COX17: variants seen among roughly 807,000 people sequenced by gnomAD.
COX17 encodes cytochrome c oxidase copper chaperone COX17.
In COX17, 1 loss-of-function variant was observed where a neutral mutation model predicts 6.3. The observed-to-expected ratio is 0.16, with a 90% CI of 0.06 to 0.75. The LOEUF (loss-of-function observed/expected upper bound fraction) is 0.75. COX17 is among the 30% of genes least tolerant of loss of function. The pLI, the probability that COX17 is intolerant of heterozygous loss-of-function variation, is 0.77. For missense variants in COX17, 73 were observed against 81.2 expected (o/e 0.90, Z 0.39); for synonymous variants, 26 against 30.5 (o/e 0.85, Z 0.49).
chr3:119,665,592 T>C (rs2052986700), downstream of COX17, among the ~76,000 whole-genome samples: 1 of 152,182 alleles, frequency 6.6e-6, no homozygotes, highest in Non-Finnish European at 1.5e-5. Context: ...CAGGCCAGTC[T>C]TGAACTCCAG....
chr3:119,676,922 G>C (rs916519544), intron 1 of COX17: 16 of 698,092 alleles, frequency 2.3e-5, no homozygotes, highest in Non-Finnish European at 3.9e-5. Flanking sequence ...ATCGTTTCCC[G>C]GTACTAAGCT....
At position 119,675,182 on chromosome 3, in the gene COX17, C is replaced by T. The variant is rs750429987; in HGVS notation, c.159G>A (p.Lys53=). ...TAAATCCTAGGGCTCTCATGCATTC[C>T]TTGTGGGCCTCAATTAGATGTCCAC... ...EHCGHLIEAH[K]ECMRALGFKI The change falls in exon 2 of 3, where the codon AAG becomes AAA. Residue 53 remains lysine (K), a synonymous_variant. Transcript: ENST00000261070. 3.7e-6 allele frequency: 6 copies of T among 1,613,470 alleles called. No homozygotes were observed. The highest frequency in any genetic ancestry group is 1.1e-5 in the South Asian group (1 of 91,066).
intron 1 of COX17, chr3:119,676,652 C>CT (rs2053103313): frequency 3.6e-6 from 2 of 556,614 alleles, no homozygotes; most frequent in East Asian, 6.3e-5. Flanking sequence ...CCTACTGTCT[C>CT]TAAATTTTGG....
downstream of COX17, among the ~76,000 whole-genome samples, chr3:119,664,943 AT>A (rs1352294604): frequency 2.0e-5 from 3 of 152,204 alleles, no homozygotes; most frequent in Non-Finnish European, 4.4e-5. Context: ...CAGAGGCATA[AT>A]TTTATGCTCT....
At chr3:119,664,467 G>C (rs955332356) in intron 3 of COX17, among the ~76,000 whole-genome samples, 1 of 149,374 alleles carries the variant, frequency 6.7e-6, no homozygotes, top group African/African-American at 2.4e-5. Flanking sequence ...CAGGAAGAAA[G>C]AACAGATTGT....
chr3:119,672,780 A>C (rs575598381), intron 2 of COX17, among the ~76,000 whole-genome samples: 5 of 152,360 alleles, frequency 3.3e-5, no homozygotes, highest in African/African-American at 1.2e-4. Flanking sequence ...TCTTTTTATA[A>C]ATAATAAGTG....
chr3:119,665,842 G>C (rs1415022178), downstream of COX17, among the ~76,000 whole-genome samples: 2 of 152,188 alleles, frequency 1.3e-5, no homozygotes, highest in Non-Finnish European at 2.9e-5. Context: ...TCTCACTAAG[G>C]ACAACTCTTC....
chr3:119,670,725 T>G (rs2053034739), intron 2 of COX17, among the ~76,000 whole-genome samples: 1 of 150,310 alleles, frequency 6.7e-6, no homozygotes, highest in African/African-American at 2.5e-5. Flanking sequence ...CTGGATTATC[T>G]TGGGATATTT....
chr3:119,675,839 C>G (rs965570360), intron 1 of COX17, among the ~76,000 whole-genome samples: 2 of 152,184 alleles, frequency 1.3e-5, no homozygotes, highest in Admixed American at 6.5e-5. Context: ...CAAGGAAAAA[C>G]TGACTCCTGA....
intron 1 of COX17, chr3:119,676,877 T>G: frequency 2.8e-6 from 2 of 702,686 alleles, no homozygotes; most frequent in Non-Finnish European, 5.2e-6. Flanking sequence ...TAGGAAGGAA[T>G]GAGTGGTTGA....
intron 1 of COX17, 49 bp downstream of exon 1, chr3:119,677,155 G>A: frequency 2.7e-6 from 4 of 1,495,424 alleles, no homozygotes; most frequent in Non-Finnish European, 3.7e-6. Flanking sequence ...GAAGGCACAG[G>A]CCGCGGCCCG....
downstream of COX17, among the ~76,000 whole-genome samples, chr3:119,665,562 C>G (rs1408788406): frequency 6.6e-6 from 1 of 152,114 alleles, no homozygotes; most frequent in African/African-American, 2.4e-5. Context: ...TCTGTAGAGA[C>G]AGGTTCTCAC....
At chr3:119,664,634 A>G (rs1451107208), downstream of COX17, among the ~76,000 whole-genome samples, 1 of 152,194 alleles carries the variant, frequency 6.6e-6, no homozygotes, top group Non-Finnish European at 1.5e-5. Flanking sequence ...GTGGTCATGA[A>G]CTCAGCCTGG....
intron 2 of COX17, among the ~76,000 whole-genome samples, chr3:119,670,531 T>C (rs2053033471): frequency 1.3e-5 from 2 of 152,214 alleles, no homozygotes; most frequent in African/African-American, 4.8e-5. Context: ...TTACGACTTT[T>C]GCGACTGACT....
At chr3:119,671,667 T>C (rs1411613951) in intron 2 of COX17, among the ~76,000 whole-genome samples, 1 of 152,218 alleles carries the variant, frequency 6.6e-6, no homozygotes, top group Non-Finnish European at 1.5e-5. Flanking sequence ...ATAATGAGGT[T>C]TTAAGATTGA....
intron 1 of COX17, 104 bp from the exon 2 acceptor site, chr3:119,675,337 T>A (rs1020755657): frequency 1.2e-5 from 9 of 766,244 alleles, no homozygotes; most frequent in Non-Finnish European, 2.0e-5. Flanking sequence ...TAATGGAATG[T>A]AGCTGGAATT....
At chr3:119,667,444 T>C (rs886219432), downstream of COX17, among the ~76,000 whole-genome samples, 12 of 151,946 alleles carry the variant, frequency 7.9e-5, no homozygotes, top group African/African-American at 2.9e-4. Flanking sequence ...CTGGCAAAAG[T>C]TTAAAAAAAT....
At chr3:119,669,531 C>T (rs2053023487), downstream of COX17, 1 of 152,138 alleles carries the variant, frequency 6.6e-6, no homozygotes, top group Non-Finnish European at 1.5e-5. Flanking sequence ...AACTGAAGAT[C>T]TTCCACTAGT....
At chr3:119,676,320 T>C (rs914926607) in intron 1 of COX17, among the ~76,000 whole-genome samples, 18 of 152,148 alleles carry the variant, frequency 1.2e-4, no homozygotes, top group African/African-American at 4.3e-4. Context: ...GTACTGAGGA[T>C]TAATAAAAGC....
Sources: gnomAD v4.1 joint callset for allele counts (sites outside exome capture counted in the v4.1 genomes callset) on GRCh38, gnomAD v4.1.1 for gene constraint, MANE v1.5 for transcripts, NCBI Gene and HGNC (gene_info 2026-07-23, HGNC 2026-07-21) for gene names.